Variants in CDH15 observed in about 807,000 individuals in gnomAD.
The protein encoded by CDH15 is cadherin-15.
In CDH15, 73 loss-of-function variants were observed where a neutral mutation model predicts 69.4. The observed-to-expected ratio is 1.05, with a 90% CI of 0.87 to 1.28. The LOEUF (loss-of-function observed/expected upper bound fraction) is 1.28, where lower values mean the gene tolerates loss of function less well. Among genes scored for constraint, CDH15 ranks in the 50% most tolerant of loss-of-function variants. The pLI is 0.00. For missense variants in CDH15, 1,343 were observed against 1,133.6 expected, an observed-to-expected ratio of 1.18 and a Z score of -2.65; for synonymous variants, 624 against 507.7, an observed-to-expected ratio of 1.23 and a Z score of -3.08.
rs1295537760 is a variant in CDH15, at chr16:89,191,823, C to T, written c.1544C>T (p.Ala515Val). Residue 515 changes from alanine (A) to valine (V), a missense_variant, in exon 10 of 14, where the codon GCC becomes GTC. Ala to Val is a moderately conservative substitution (Grantham distance 64, BLOSUM62 0). Coordinates refer to ENST00000289746, the MANE Select transcript of CDH15 (RefSeq NM_004933.3). ...ATDEDLPPHG[A>V]PFHFQLSPRL... ...GATGAGGACCTGCCCCCCCACGGGG[C>T]CCCCTTCCACTTCCAGCTGAGCCCC... The T allele has an allele frequency of 1.9e-6, 3 of 1,604,086 alleles. No homozygotes were observed. Among genetic ancestry groups the T allele is most frequent in the Non-Finnish European group, 2.5e-6 (3 of 1,179,032 alleles).
At chr16:89,192,009 A>G (rs1316679673) in intron 10 of CDH15, 115 bp downstream of exon 10, 6 of 1,189,756 alleles carry the variant, frequency 5.0e-6, no homozygotes, top group Non-Finnish European at 7.0e-6. Flanking sequence ...GTCCTGCAAC[A>G]GGTCCCCTCC....
chr16:89,176,753 A>ACGG (rs1915265629), intron 1 of CDH15, among the ~76,000 whole-genome samples: 1 of 151,932 alleles, frequency 6.6e-6, no homozygotes. Context: ...GGCCGCGAAG[A>ACGG]TGGTGATATT....
At position 89,183,818 on chromosome 16, in the gene CDH15, G is replaced by A. The variant is rs539834477; in HGVS notation, c.502+126G>A. On this transcript the variant is annotated intron_variant, in intron 4 of 13. Coordinates refer to ENST00000289746, the MANE Select transcript of CDH15 (RefSeq NM_004933.3). The stretch of plus-strand genomic sequence containing the variant: ...TCTAAAAATAAGTAAACAAGTCTCC[G>A]AGGCAGGTCCGTTTCCACAGGTCAA... 1.8e-5 allele frequency: 18 copies of A among 1,024,688 alleles called. 1 individual carries two copies. The highest frequency in any genetic ancestry group is 1.3e-4 in the East Asian group (5 of 38,088). 63.5% of individuals were successfully genotyped at this position (1,024,688 alleles called of 1,614,324 possible). A position where few individuals can be genotyped will look rare whatever the true frequency, so the allele number is the denominator to read the frequency against.
intron 3 of CDH15, 126 bp from the exon 4 acceptor site, chr16:89,183,422 G>T (rs1019432975): frequency 9.1e-7 from 1 of 1,093,086 alleles, no homozygotes. Flanking sequence ...GCTGTTTCTC[G>T]CCTGTTTAAG....
chr16:89,187,188 C>T (rs1195715735), intron 5 of CDH15, among the ~76,000 whole-genome samples: 1 of 152,218 alleles, frequency 6.6e-6, no homozygotes, highest in Non-Finnish European at 1.5e-5. Flanking sequence ...TCTGTAAACG[C>T]TTACCCAGTG....
rs758676906 is a variant in CDH15, at chr16:89,180,321, C to T, written c.323C>T (p.Ala108Val). ...DKFTGKVFLNAMLDREKTDRF... is the reference protein window; with the variant it reads ...DKFTGKVFLNVMLDREKTDRF... ...TTCACAGGGAAGGTCTTCCTCAATG[C>T]CATGCTGGACCGCGAGAAGACTGAT... Residue 108 changes from alanine (A) to valine (V), a missense_variant, in exon 3 of 14, where the codon GCC becomes GTC. Transcript: ENST00000289746. The T allele has an allele frequency of 5.6e-6, 9 of 1,612,560 alleles. No individual in the cohort carries two copies. The highest frequency in any genetic ancestry group is 7.6e-6 in the Non-Finnish European group (9 of 1,179,570).
intron 1 of CDH15, 119 bp downstream of exon 1, chr16:89,171,992 C>A: frequency 1.8e-6 from 2 of 1,104,544 alleles, no homozygotes; most frequent in Non-Finnish European, 2.6e-6. Flanking sequence ...CCTTTGGGGG[C>A]CTGTGAGCGG....
intron 2 of CDH15, 60 bp downstream of exon 2, chr16:89,179,634 C>T: frequency 6.7e-7 from 1 of 1,484,286 alleles, no homozygotes; most frequent in Non-Finnish European, 9.1e-7. Flanking sequence ...AGTGGGCCTC[C>T]CTCATTCTCT....
In CDH15 at chr16:89,191,814, C is replaced by A. The variant is rs777079621; in HGVS notation, c.1535C>A (p.Pro512His). The A allele has an allele frequency of 1.1e-5, 18 of 1,604,520 alleles. No homozygotes were observed. The highest frequency in any genetic ancestry group is 1.5e-5 in the Non-Finnish European group (18 of 1,179,118). The change falls in exon 10 of 14, where the codon CCC becomes CAC. Residue 512 changes from proline (P) to histidine (H), a missense_variant. Transcript: ENST00000289746. ...GGCGCCACGGATGAGGACCTGCCCC[C>A]CCACGGGGCCCCCTTCCACTTCCAG... The part of the protein sequence containing the change: ...LLGATDEDLP[P>H]HGAPFHFQLS...
At chr16:89,172,204 T>A (rs1196405941) in intron 1 of CDH15, among the ~76,000 whole-genome samples, 1 of 151,898 alleles carries the variant, frequency 6.6e-6, no homozygotes, top group East Asian at 1.9e-4. Context: ...TTGCCAGTCT[T>A]GAGTGGAGCA....
At chr16:89,179,319 G>A (rs1003612425) in intron 1 of CDH15, 97 bp from the exon 2 acceptor site, 114 of 1,402,474 alleles carry the variant, frequency 8.1e-5, no homozygotes, top group East Asian at 1.8e-4. Flanking sequence ...GAAACACTGC[G>A]CCCCGTGGCC....
At position 89,179,434 on chromosome 16, in the gene CDH15, G is replaced by A; in HGVS notation, c.61G>A (p.Gly21Arg). 6.2e-7 allele frequency: 1 copy of A among 1,613,640 alleles called. No homozygotes were observed. The highest frequency in any genetic ancestry group is 8.5e-7 in the Non-Finnish European group (1 of 1,179,914). The change falls in exon 2 of 14, where the codon GGG (glycine) becomes AGG (arginine). Residue 21 changes from glycine (G) to arginine (R), a missense_variant. By Grantham distance (125) the Gly-to-Arg change is moderately radical (BLOSUM62 -2). Coordinates refer to ENST00000289746, the MANE Select transcript of CDH15 (RefSeq NM_004933.3). ...GTTGCAGAGCCTCTGCCTGTCTTTG[G>A]GGGTTCCTGGATGGAGGAGGCCCAC... ...LLAQSLCLSLGVPGWRRPTTL... is the reference protein window; with the variant it reads ...LLAQSLCLSLRVPGWRRPTTL...
At chr16:89,183,207 C>A in intron 3 of CDH15, 3 of 212,528 alleles carry the variant, frequency 1.4e-5, no homozygotes, top group Non-Finnish European at 9.4e-6. Flanking sequence ...AAAACAAAAA[C>A]ATAACTTCAG....
At chr16:89,183,419 C>T in intron 3 of CDH15, 129 bp from the exon 4 acceptor site, 1 of 1,061,630 alleles carries the variant, frequency 9.4e-7, no homozygotes, top group South Asian at 1.4e-5. Flanking sequence ...TGTGCTGTTT[C>T]TCGCCTGTTT....
Position 89,191,710 on chromosome 16 carries a change from C to G in CDH15, c.1431C>G (p.Asn477Lys). ...TGTCCATCGAGATCCTGGAGGTGAA[C>G]GACCATGCACCTGTGCTGGCCCCGC... ...GTLSIEILEV[N>K]DHAPVLAPPP... The change falls in exon 10 of 14, where the codon AAC (asparagine) becomes AAG (lysine). Residue 477 changes from asparagine to lysine, a missense_variant. Asn to Lys is a moderately conservative substitution (Grantham distance 94). Coordinates refer to ENST00000289746, the MANE Select transcript of CDH15 (RefSeq NM_004933.3). 6.2e-7 allele frequency: 1 copy of G among 1,603,202 alleles called. No homozygotes were observed.
chr16:89,188,578 G>GCACACACAGATGCC (rs1915551351), intron 7 of CDH15, among the ~76,000 whole-genome samples: 1 of 83,552 alleles, frequency 1.2e-5, no homozygotes, highest in Non-Finnish European at 2.3e-5. Context: ...ACACATGCCG[G>GCACACACAGATGCC]CACACACAGA....
At chr16:89,193,627 G>A (rs1406899647) in intron 12 of CDH15, 21 bp downstream of exon 12, 1 of 1,578,014 alleles carries the variant, frequency 6.3e-7, no homozygotes. Flanking sequence ...AGGTGTGGGT[G>A]GGGAGGGGTC....
At chr16:89,186,691 T>C (rs1915496854) in intron 5 of CDH15, among the ~76,000 whole-genome samples, 3 of 144,102 alleles carry the variant, frequency 2.1e-5, no homozygotes, top group Admixed American at 2.0e-4. Flanking sequence ...CAGTAGGTGC[T>C]CTGTGAACAC....
At chr16:89,177,882 C>G (rs1223046562) in intron 1 of CDH15, among the ~76,000 whole-genome samples, 2 of 152,118 alleles carry the variant, frequency 1.3e-5, no homozygotes, top group Admixed American at 1.3e-4. Flanking sequence ...GAAACACTGA[C>G]TCCCCAGGCT....
Sources: gnomAD v4.1 joint callset for allele counts (sites outside exome capture counted in the v4.1 genomes callset) on GRCh38, gnomAD v4.1.1 for gene constraint, MANE v1.5 for transcripts, NCBI Gene and HGNC (gene_info 2026-07-23, HGNC 2026-07-21) for gene names.